FRMD1: variants seen among roughly 807,000 people sequenced by gnomAD.
The protein encoded by FRMD1 is FERM domain containing 1, also known as FERM domain-containing protein 1.
In FRMD1, 51 loss-of-function variants were observed where a neutral mutation model predicts 54.9. The observed-to-expected ratio is 0.93, with a 90% CI of 0.74 to 1.17. FRMD1 has a LOEUF of 1.17. Among genes scored for constraint, FRMD1 ranks in the 50% most tolerant of loss-of-function variants. FRMD1 has a pLI of 0.00. For missense variants in FRMD1, 729 were observed against 743.0 expected (o/e 0.98, Z 0.22); for synonymous variants, 324 against 306.4 (o/e 1.06, Z -0.60).
intron 2 of FRMD1, among the ~76,000 whole-genome samples, chr6:168,070,111 C>T (rs1425027107): frequency 6.6e-6 from 1 of 151,966 alleles, no homozygotes; most frequent in Non-Finnish European, 1.5e-5. Context: ...GCAGTCCCAG[C>T]CACTCAGGAG....
intron 10 of FRMD1, among the ~76,000 whole-genome samples, chr6:168,058,613 A>T (rs971531181): frequency 7.2e-5 from 11 of 152,052 alleles, no homozygotes; most frequent in African/African-American, 2.7e-4. Context: ...CCCTGAGCCC[A>T]CCTGTTCCCC....
intron 1 of FRMD1, among the ~76,000 whole-genome samples, chr6:168,091,007 G>A (rs534816435): frequency 3.9e-5 from 6 of 152,282 alleles, no homozygotes; most frequent in East Asian, 1.9e-4. Context: ...GCGGACTCCC[G>A]GCTCCGCTCT....
chr6:168,057,510 C>T (rs560066609), intron 10 of FRMD1, 171 bp from the exon 11 acceptor site: 270 of 877,746 alleles, frequency 3.1e-4, no homozygotes, highest in Non-Finnish European at 4.4e-4. Context: ...CACACCTCTG[C>T]GAGAGAGGCT....
intron 2 of FRMD1, among the ~76,000 whole-genome samples, chr6:168,072,235 G>A (rs999568687): frequency 1.3e-5 from 2 of 152,106 alleles, no homozygotes; most frequent in Admixed American, 6.5e-5. Flanking sequence ...GGGAGGGGAG[G>A]TCCTTCCCCA....
intron 2 of FRMD1, 68 bp downstream of exon 2, chr6:168,075,177 C>T: frequency 2.2e-6 from 3 of 1,338,440 alleles, no homozygotes; most frequent in Admixed American, 3.4e-5. Context: ...GTGGTGTGCC[C>T]ACCCCCTTGA....
intron 2 of FRMD1, among the ~76,000 whole-genome samples, chr6:168,068,658 C>A (rs76021027): frequency 1.3e-5 from 2 of 152,128 alleles, no homozygotes; most frequent in Admixed American, 6.5e-5. Flanking sequence ...ATGCGGAACC[C>A]GTGGATACAG....
intron 2 of FRMD1, among the ~76,000 whole-genome samples, chr6:168,069,791 C>T (rs1222174043): frequency 6.6e-6 from 1 of 152,210 alleles, no homozygotes; most frequent in Admixed American, 6.5e-5. Context: ...CACTGTCCCC[C>T]TAAACCCCTG....
Position 168,057,322 on chromosome 6 carries a change from G to A in FRMD1, c.1425C>T (p.Ala475=), listed in dbSNP as rs55991596. The part of the protein sequence containing the change: ...EAVHQIQEMT[A]GVSEEQHSHG... Reference sequence around the variant, plus strand: ...GGCTGTGCTGCTCCTCACTGACCCCGGCTGTCATTTCCTGGATCTGCGGGG... The same window carrying A: ...GGCTGTGCTGCTCCTCACTGACCCCAGCTGTCATTTCCTGGATCTGCGGGG... Residue 475 remains alanine (A), a synonymous_variant, in exon 11 of 11, where the codon GCC becomes GCT. Transcript: ENST00000283309. 0.056 allele frequency: 90,772 copies of A among 1,610,328 alleles called. 2,265 individuals are homozygous for A. Among genetic ancestry groups the A allele is most frequent in the Non-Finnish European group, 0.066 (77,686 of 1,179,052 alleles).
At chr6:168,085,775 C>T (rs903231639), upstream of FRMD1, among the ~76,000 whole-genome samples, 2 of 150,578 alleles carry the variant, frequency 1.3e-5, no homozygotes, top group African/African-American at 2.5e-5. Context: ...GGCTCCCTAT[C>T]GCCCAGCCAC....
At chr6:168,086,563 ACG>A (rs2115030623) in intron 1 of FRMD1, among the ~76,000 whole-genome samples, 1 of 76,122 alleles carries the variant, frequency 1.3e-5, no homozygotes, top group African/African-American at 3.3e-5. Flanking sequence ...GTGGACACCC[ACG>A]TGCCCAGTGT....
upstream of FRMD1, among the ~76,000 whole-genome samples, chr6:168,085,576 G>A (rs192888338): frequency 2.0e-5 from 3 of 152,320 alleles, no homozygotes; most frequent in East Asian, 3.9e-4. Context: ...AGAGGAGGTC[G>A]GTCACTTTCA....
At chr6:168,081,277 C>T (rs1016371642), upstream of FRMD1, 2 of 1,382,192 alleles carry the variant, frequency 1.4e-6, no homozygotes, top group East Asian at 5.1e-5. Context: ...GTCCTCAGCT[C>T]ATCAAGAAGA....
At position 168,079,033 on chromosome 6, in the gene FRMD1, G is replaced by C. The variant is rs764929137; in HGVS notation, c.62C>G (p.Pro21Arg). The stretch of plus-strand genomic sequence containing the variant: ...TTCCATACATCGCGCCCCTGAAGGA[G>C]GGAACGTGTCAGGGTTTGTCCGGGC... Reference protein sequence around the residue: ...DPARTNPDTFPPSGARCMEPS... With the variant: ...DPARTNPDTFRPSGARCMEPS... Residue 21 changes from proline to arginine, a missense_variant, in exon 1 of 11, where the codon CCT becomes CGT. By Grantham distance (103) the Pro-to-Arg change is moderately radical. Transcript: ENST00000283309. 6.2e-6 allele frequency: 10 copies of C among 1,611,658 alleles called. No individual in the cohort carries two copies. The highest frequency in any genetic ancestry group is 1.7e-5 in the Admixed American group (1 of 60,000).
intron 3 of FRMD1, 182 bp from the exon 4 acceptor site, chr6:168,067,013 G>A: frequency 1.2e-6 from 1 of 833,148 alleles, no homozygotes. Flanking sequence ...CCCTGAGTGG[G>A]ACGTGGTCTA....
chr6:168,064,557 C>T (rs1799926844), intron 5 of FRMD1, among the ~76,000 whole-genome samples: 1 of 152,228 alleles, frequency 6.6e-6, no homozygotes, highest in Non-Finnish European at 1.5e-5. Context: ...TCACATTCCA[C>T]AGCCAGGCAG....
In FRMD1 at chr6:168,060,756, C is replaced by T. The variant is rs763390202; in HGVS notation, c.1342+5G>A. The T allele has an allele frequency of 3.7e-6, 6 of 1,603,672 alleles. No individual in the cohort carries two copies. In the South Asian group the frequency reaches 6.6e-5, roughly 18 times the overall value. ...CTGAGGCCTGGGCATCTCCCTCGGGCCCACCTTGGCTGTCACCACGTGTGC... is the reference window on the plus strand; with the variant it reads ...CTGAGGCCTGGGCATCTCCCTCGGGTCCACCTTGGCTGTCACCACGTGTGC... On this transcript the variant is annotated splice_donor_5th_base_variant and intron_variant, in intron 9 of 10. Transcript: ENST00000283309.
At chr6:168,065,887 C>T (rs1800002024) in intron 4 of FRMD1, 1 of 1,000,140 alleles carries the variant, frequency 1.0e-6, no homozygotes, top group Non-Finnish European at 1.2e-6. Flanking sequence ...AGGGTAAACC[C>T]TGTTCACGCA....
At chr6:168,075,658 C>A in intron 1 of FRMD1, 1 of 1,120,856 alleles carries the variant, frequency 8.9e-7, no homozygotes, top group Non-Finnish European at 1.3e-6. Flanking sequence ...GCGTCAACTC[C>A]AGGGCCGCCC....
Position 168,059,118 on chromosome 6 carries a change from C to A in FRMD1, c.1407+6G>T, listed in dbSNP as rs1208932186. ...CAGGGCTTCTGGCCCGTGGGGGGGACTCTACCTGGTGCACGGCCTCGGCGC... is the reference window on the plus strand; with the variant it reads ...CAGGGCTTCTGGCCCGTGGGGGGGAATCTACCTGGTGCACGGCCTCGGCGC... On this transcript the variant is annotated splice_donor_region_variant and intron_variant, in intron 10 of 10. Transcript: ENST00000283309. The surrounding 1 kb of genome is among the most constrained non-coding windows in gnomAD (Gnocchi z 4.4). 7.7e-6 allele frequency: 12 copies of A among 1,567,044 alleles called. No homozygotes were observed. The African/African-American group carries it at 1.2e-4, about 16-fold the overall frequency.
Sources: gnomAD v4.1 joint callset for allele counts (sites outside exome capture counted in the v4.1 genomes callset) on GRCh38, gnomAD v4.1.1 for gene constraint, Gnocchi (gnomAD v3.1) non-coding constraint, MANE v1.5 for transcripts, NCBI Gene and HGNC (gene_info 2026-07-23, HGNC 2026-07-21) for gene names.